AGFG1: variants seen among roughly 807,000 people sequenced by gnomAD.
AGFG1 encodes arf-GAP domain and FG repeat-containing protein 1.
A neutral mutation model predicts 60.6 loss-of-function variants in AGFG1; 10 were observed. The observed-to-expected ratio is 0.16, with a 90% confidence interval of 0.10 to 0.28. AGFG1 has a LOEUF of 0.28. Ranked by LOEUF, AGFG1 falls within the 10% of genes least tolerant of loss-of-function variation. The probability of loss-of-function intolerance (pLI) is 1.00; values close to 1 mark genes in which losing one functional copy is unlikely to be tolerated. For missense variants in AGFG1, 537 were observed against 676.5 expected (o/e 0.79, Z 2.29); for synonymous variants, 247 against 242.9 (o/e 1.02, Z -0.16).
At chr2:227,509,936 C>T (rs886416533) in intron 2 of AGFG1, among the ~76,000 whole-genome samples, 2 of 152,084 alleles carry the variant, frequency 1.3e-5, no homozygotes, top group East Asian at 1.9e-4. Context: ...CAAGGAAACT[C>T]GTGAAAGGCA....
chr2:227,553,000 CA>C (rs5839220), intron 11 of AGFG1, among the ~76,000 whole-genome samples: 7,903 of 92,104 alleles, frequency 0.086, 190 homozygotes, highest in Admixed American at 0.14. Context: ...AATTCCATCT[CA>C]AAAAAAAAAA....
intron 2 of AGFG1, among the ~76,000 whole-genome samples, chr2:227,516,490 G>T (rs541155787): frequency 4.6e-5 from 7 of 152,292 alleles, no homozygotes; most frequent in African/African-American, 1.7e-4. Flanking sequence ...GAGGGACTTT[G>T]ACAGTGAGAC....
intron 6 of AGFG1, among the ~76,000 whole-genome samples, chr2:227,532,925 T>C (rs34915597): frequency 0.38 from 57,757 of 151,984 alleles, 11,654 homozygotes; most frequent in South Asian, 0.5. Flanking sequence ...ATGTATTATG[T>C]ACTGTAATTT....
intron 2 of AGFG1, among the ~76,000 whole-genome samples, chr2:227,517,446 A>G (rs906237421): frequency 6.6e-6 from 1 of 151,972 alleles, no homozygotes; most frequent in Non-Finnish European, 1.5e-5. Context: ...TTTTTTCTGT[A>G]TTTTTAGTAG....
intron 1 of AGFG1, among the ~76,000 whole-genome samples, chr2:227,484,688 GTTTTTTTTTTTTTTTTT>G (rs745570416): frequency 2.4e-4 from 6 of 25,122 alleles, no homozygotes; most frequent in African/African-American, 3.3e-4. Flanking sequence ...TTTTTTTTTT[GTTTTTTTTTTTTTTTTT>G]TTTTTTTTTT....
chr2:227,472,549 C>G lies in AGFG1; in HGVS notation c.128C>G (p.Thr43Arg), dbSNP rs765134918. ...CGCGGCCCCACCTACGTTAACATGA[C>G]GGTCGGCTCCTTCGTGTGTACCTCC... ...DQRGPTYVNM[T>R]VGSFVCTSCS... Residue 43 changes from threonine to arginine, a missense_variant, in exon 1 of 13, where the codon ACG becomes AGG. Physicochemically the swap from Thr to Arg is moderately conservative, Grantham distance 71. Transcript: ENST00000310078. 6.3e-7 allele frequency: 1 copy of G among 1,579,858 alleles called. No homozygotes were observed. The highest frequency in any genetic ancestry group is 1.4e-5 in the African/African-American group (1 of 71,516).
In AGFG1 at chr2:227,559,121, T is replaced by C. The variant is rs1281473524; in HGVS notation, c.*4626T>C. 6.6e-6 allele frequency: 1 copy of C among 152,238 alleles called. No homozygotes were observed. Among genetic ancestry groups the C allele is most frequent in the Non-Finnish European group, 1.5e-5 (1 of 68,030 alleles). 9.4% of individuals were successfully genotyped at this position (152,238 alleles called of 1,614,324 possible). A position where few individuals can be genotyped will look rare whatever the true frequency, so the allele number is the denominator to read the frequency against. On this transcript the variant is annotated 3_prime_UTR_variant, in exon 13 of 13. Coordinates refer to ENST00000310078, the MANE Select transcript of AGFG1 (RefSeq NM_004504.5). ...CCAATTATTGTGCTCTTATAGGGGT[T>C]GCACATTCAAGGCTTACACTGAATT...
chr2:227,542,246 A>C (rs1353617976), intron 10 of AGFG1, among the ~76,000 whole-genome samples: 1 of 152,214 alleles, frequency 6.6e-6, no homozygotes, highest in African/African-American at 2.4e-5. Context: ...GCCAGTTTTC[A>C]AAGGGAATGC....
intron 1 of AGFG1, among the ~76,000 whole-genome samples, chr2:227,483,503 C>T (rs1194741725): frequency 6.6e-6 from 1 of 152,116 alleles, no homozygotes; most frequent in African/African-American, 2.4e-5. Context: ...TTTTACTGTA[C>T]TCCTGGCAAT....
intron 10 of AGFG1, chr2:227,550,158 T>C: frequency 2.5e-6 from 1 of 393,556 alleles, no homozygotes; most frequent in Non-Finnish European, 5.1e-6. Context: ...GTCTACCTGC[T>C]TGTGGAAGCT....
chr2:227,481,106 T>G, intron 1 of AGFG1, among the ~76,000 whole-genome samples: 1 of 144,106 alleles, frequency 6.9e-6, no homozygotes, highest in Non-Finnish European at 1.6e-5. Flanking sequence ...AGGCTTTTTT[T>G]TTTTTTTTTT....
intron 10 of AGFG1, among the ~76,000 whole-genome samples, chr2:227,541,627 C>G (rs574997050): frequency 3.9e-5 from 6 of 152,272 alleles, no homozygotes; most frequent in South Asian, 2.1e-4. Flanking sequence ...AGTCAGGTAG[C>G]GTGATGTCTC....
Position 227,531,088 on chromosome 2 carries a change from C to T in AGFG1, c.695-3C>T, listed in dbSNP as rs761286393. The T allele has an allele frequency of 6.2e-7, 1 of 1,609,330 alleles. No individual in the cohort carries two copies. The highest frequency in any genetic ancestry group is 1.1e-5 in the South Asian group (1 of 90,200). On this transcript the variant is annotated splice_region_variant and splice_polypyrimidine_tract_variant and intron_variant, in intron 5 of 12. Transcript: ENST00000310078. Reference sequence around the variant, plus strand: ...AACATATGTTGTTCCTTACCATTTACAGCTCAGAATTCTGCAAATGCAGAT... The same window carrying T: ...AACATATGTTGTTCCTTACCATTTATAGCTCAGAATTCTGCAAATGCAGAT...
chr2:227,532,194 C>T, intron 6 of AGFG1: 1 of 1,548,350 alleles, frequency 6.5e-7, no homozygotes, highest in Non-Finnish European at 8.7e-7. Flanking sequence ...AGCTTTTCCT[C>T]TTCAGGCTAC....
chr2:227,538,472 A>G (rs1256522508), intron 10 of AGFG1, among the ~76,000 whole-genome samples: 1 of 152,224 alleles, frequency 6.6e-6, no homozygotes, highest in East Asian at 1.9e-4. Context: ...TGAGATATTT[A>G]TAGATATTAT....
intron 2 of AGFG1, among the ~76,000 whole-genome samples, chr2:227,505,711 G>A (rs4281891): frequency 0.65 from 99,272 of 151,964 alleles, 32,361 homozygotes; most frequent in South Asian, 0.75. Flanking sequence ...TTTCTTATAT[G>A]ATATGGTCTT....
intron 1 of AGFG1, among the ~76,000 whole-genome samples, chr2:227,489,562 GTTC>G: frequency 6.6e-6 from 1 of 152,180 alleles, no homozygotes; most frequent in Middle Eastern, 3.4e-3. Context: ...CGGTTACTTA[GTTC>G]TTCTTGTTCA....
chr2:227,544,066 T>C (rs552994282), intron 10 of AGFG1, among the ~76,000 whole-genome samples: 1 of 152,220 alleles, frequency 6.6e-6, no homozygotes, highest in African/African-American at 2.4e-5. Flanking sequence ...AGCCTATGTA[T>C]GTCTCTGCAC....
chr2:227,535,812 A>T (rs1480588164), intron 8 of AGFG1, among the ~76,000 whole-genome samples: 1 of 152,154 alleles, frequency 6.6e-6, no homozygotes, highest in Non-Finnish European at 1.5e-5. Context: ...CTTTATATAT[A>T]ATACATGATT....
Sources: gnomAD v4.1 joint callset for allele counts (sites outside exome capture counted in the v4.1 genomes callset) on GRCh38, gnomAD v4.1.1 for gene constraint, MANE v1.5 for transcripts, NCBI Gene and HGNC (gene_info 2026-07-23, HGNC 2026-07-21) for gene names.